Variants in LAMA1 observed in about 807,000 individuals in gnomAD.
LAMA1 encodes laminin subunit alpha 1.
Under a neutral mutation model 348.7 loss-of-function variants are expected in LAMA1, and 219 were observed. That is an observed-to-expected ratio of 0.63 (90% CI 0.56 to 0.70). The LOEUF (loss-of-function observed/expected upper bound fraction) is 0.70. Ranked by LOEUF, LAMA1 falls within the 30% of genes least tolerant of loss-of-function variation. LAMA1 has a pLI of 0.00. For missense variants in LAMA1, 3,744 were observed against 3,888.0 expected (o/e 0.96, Z 0.99); for synonymous variants, 1,487 against 1,491.0 (o/e 1.00, Z 0.06).
Position 6,982,541 on chromosome 18 carries a change from G to C in LAMA1, c.5846C>G (p.Ser1949Cys), listed in dbSNP as rs1568017644. 2 of 1,614,140 alleles carry C rather than the reference G, an allele frequency of 1.2e-6. No individual in the cohort carries two copies. The highest frequency in any genetic ancestry group is 1.7e-6 in the Non-Finnish European group (2 of 1,180,020). Residue 1949 changes from serine (S) to cysteine (C), a missense_variant, in exon 41 of 63, where the codon TCC (serine) becomes TGC (cysteine). Around this residue, in one of 3 missense-constraint regions of LAMA1, gnomAD observed 1,983 missense variants for 1,934.3 expected, o/e 1.03. Transcript: ENST00000389658. The stretch of plus-strand genomic sequence containing the variant: ...GTTGTTGCCTTCTTTTAGAAATCTG[G>C]AGCTGCGCTGCACGGCCGCTTTCCC... ...SNGKAAVQRS[S>C]RFLKEGNNLS... is the part of the protein sequence containing the mutation.
intron 1 of LAMA1, among the ~76,000 whole-genome samples, chr18:7,089,830 T>A (rs990899925): frequency 1.3e-5 from 2 of 152,198 alleles, no homozygotes; most frequent in African/African-American, 4.8e-5. Flanking sequence ...TAAACTGAAA[T>A]GATTTGGAGC....
chr18:7,075,309 G>A (rs899478556), intron 3 of LAMA1, among the ~76,000 whole-genome samples: 5 of 152,040 alleles, frequency 3.3e-5, no homozygotes, highest in South Asian at 2.1e-4. Flanking sequence ...AGGAGGGGGG[G>A]GAAGTTAAAA....
At chr18:6,970,149 G>A (rs564416801) in intron 48 of LAMA1, among the ~76,000 whole-genome samples, 69 of 152,110 alleles carry the variant, frequency 4.5e-4, no homozygotes, top group Non-Finnish European at 6.9e-4. Flanking sequence ...AAAAGTGGCG[G>A]ATCAGAGAGC....
At chr18:6,994,178 C>A (rs2057770395) in intron 34 of LAMA1, among the ~76,000 whole-genome samples, 1 of 75,382 alleles carries the variant, frequency 1.3e-5, no homozygotes, top group Non-Finnish European at 2.7e-5. Flanking sequence ...TGATTTTAGA[C>A]CTGATTCTCC....
chr18:6,947,735 G>A (rs1382427385), intron 60 of LAMA1, among the ~76,000 whole-genome samples: 1 of 152,192 alleles, frequency 6.6e-6, no homozygotes, highest in Non-Finnish European at 1.5e-5. Flanking sequence ...TCCATACTAA[G>A]TTTGTTAAAG....
intron 1 of LAMA1, among the ~76,000 whole-genome samples, chr18:7,113,903 C>T (rs1360596120): frequency 3.3e-5 from 5 of 152,054 alleles, no homozygotes; most frequent in East Asian, 1.9e-4. Context: ...GGTGAAACCC[C>T]GTCTCTACTA....
At chr18:7,007,383 G>A in intron 28 of LAMA1, 107 bp from the exon 29 acceptor site, 1 of 1,089,958 alleles carries the variant, frequency 9.2e-7, no homozygotes, top group Non-Finnish European at 1.3e-6. Flanking sequence ...ACAGGTATGT[G>A]AAAAGAAGTT....
intron 1 of LAMA1, among the ~76,000 whole-genome samples, chr18:7,081,951 A>G (rs528774284): frequency 1.3e-5 from 2 of 152,252 alleles, no homozygotes; most frequent in Non-Finnish European, 2.9e-5. Context: ...GAAGGAATTC[A>G]TGGCTTCCAC....
intron 49 of LAMA1, chr18:6,965,680 C>T (rs2057630074): frequency 2.3e-5 from 12 of 522,836 alleles, no homozygotes; most frequent in Middle Eastern, 5.2e-4. Context: ...AGTGGAATCT[C>T]CTCGTATCTT....
intron 7 of LAMA1, among the ~76,000 whole-genome samples, chr18:7,044,519 G>T (rs1255842900): frequency 1.3e-5 from 2 of 151,990 alleles, no homozygotes; most frequent in Non-Finnish European, 2.9e-5. Context: ...CGGGAAGGGG[G>T]ACTCATAGAT....
At chr18:7,003,759 G>A (rs933223760) in intron 29 of LAMA1, among the ~76,000 whole-genome samples, 4 of 152,250 alleles carry the variant, frequency 2.6e-5, no homozygotes, top group African/African-American at 9.6e-5. Context: ...TTTTATCCTT[G>A]GCAGTGAGAG....
intron 15 of LAMA1, 111 bp downstream of exon 15, chr18:7,032,873 A>T: frequency 5.0e-6 from 4 of 803,198 alleles, no homozygotes; most frequent in Non-Finnish European, 8.5e-6. Context: ...TGAGCCAAAC[A>T]TTGGGCTGCT....
At chr18:6,993,892 T>C (rs2057769292) in intron 34 of LAMA1, 140 bp from the exon 35 acceptor site, 2 of 704,876 alleles carry the variant, frequency 2.8e-6, no homozygotes, top group Non-Finnish European at 5.2e-6. Context: ...AAGATGAGCA[T>C]TATCATGCAA....
At chr18:6,994,716 G>A (rs74721410) in intron 34 of LAMA1, among the ~76,000 whole-genome samples, 5 of 150,646 alleles carry the variant, frequency 3.3e-5, no homozygotes, top group African/African-American at 1.2e-4. Flanking sequence ...ATTCATAAAT[G>A]AAAAAACAGT....
intron 24 of LAMA1, 45 bp downstream of exon 24, chr18:7,011,950 G>A (rs772874897): frequency 2.8e-5 from 44 of 1,566,398 alleles, no homozygotes; most frequent in Non-Finnish European, 3.7e-5. Flanking sequence ...CACCTCCCAG[G>A]GGAGTGGGGT....
At chr18:6,996,419 T>C (rs965480722) in intron 33 of LAMA1, among the ~76,000 whole-genome samples, 1 of 152,174 alleles carries the variant, frequency 6.6e-6, no homozygotes, top group Admixed American at 6.5e-5. Flanking sequence ...CTGCATAGAT[T>C]ATGTCAAATT....
At chr18:7,071,219 C>A (rs1598305296) in intron 3 of LAMA1, among the ~76,000 whole-genome samples, 3 of 152,330 alleles carry the variant, frequency 2.0e-5, no homozygotes, top group Non-Finnish European at 4.4e-5. Context: ...GCACCTGCAG[C>A]CGTAGACTCT....
intron 16 of LAMA1, among the ~76,000 whole-genome samples, chr18:7,031,322 T>C (rs1431988946): frequency 1.3e-5 from 2 of 152,100 alleles, no homozygotes; most frequent in African/African-American, 4.8e-5. Context: ...GAATTCCTGA[T>C]TGAAGTTAAG....
At chr18:6,943,542 T>A in intron 61 of LAMA1, 140 bp from the exon 62 acceptor site, 1 of 759,916 alleles carries the variant, frequency 1.3e-6, no homozygotes, top group South Asian at 1.5e-5. Context: ...TTTTGAAAAG[T>A]AACCTTTTAA....
Sources: allele counts gnomAD v4.1 joint callset (sites outside exome capture counted in the v4.1 genomes callset), GRCh38; gene constraint gnomAD v4.1.1; regional missense constraint gnomAD v4.1.1; transcripts MANE v1.5; gene names NCBI Gene and HGNC (gene_info 2026-07-23, HGNC 2026-07-21).